CTNNA2: variants seen among roughly 807,000 people sequenced by gnomAD.
CTNNA2 encodes catenin alpha 2.
CTNNA2 carries 42 observed loss-of-function variants against 101.0 expected under a neutral mutation model. The ratio of observed to expected loss-of-function variants is 0.42; its 90% CI spans 0.32 to 0.54. The LOEUF (loss-of-function observed/expected upper bound fraction) is 0.54, where lower values mean the gene tolerates loss of function less well. CTNNA2 is among the 20% of genes least tolerant of loss of function. The pLI is 0.14. For synonymous variants in CTNNA2, 450 were observed against 456.4 expected, an observed-to-expected ratio of 0.99 and a Z score of 0.18; for missense variants, 871 against 1,223.1, an observed-to-expected ratio of 0.71 and a Z score of 4.29.
chr2:79,920,418 C>T (rs989960584), intron 7 of CTNNA2, among the ~76,000 whole-genome samples: 4 of 152,084 alleles, frequency 2.6e-5, no homozygotes, highest in African/African-American at 9.7e-5. Flanking sequence ...ATTTACTTTC[C>T]GTGAAGAGGG....
intron 7 of CTNNA2, among the ~76,000 whole-genome samples, chr2:80,213,517 A>G (rs904261151): frequency 3.3e-5 from 5 of 152,190 alleles, no homozygotes; most frequent in African/African-American, 4.8e-5. Context: ...CACGTAGTTG[A>G]GCAGTTTTGA....
chr2:79,691,407 G>A (rs919657814), intron 2 of CTNNA2, among the ~76,000 whole-genome samples: 1 of 151,454 alleles, frequency 6.6e-6, no homozygotes, highest in Non-Finnish European at 1.5e-5. Flanking sequence ...TGCAAAGAAT[G>A]AATAGTAAGA....
chr2:79,881,079 G>A (rs1255836540), intron 6 of CTNNA2, among the ~76,000 whole-genome samples: 1 of 152,166 alleles, frequency 6.6e-6, no homozygotes, highest in Non-Finnish European at 1.5e-5. Context: ...TTACCCAGGA[G>A]TCACTCAGGA....
intron 1 of CTNNA2, among the ~76,000 whole-genome samples, chr2:79,609,499 C>T (rs77845192): frequency 0.051 from 7,676 of 151,862 alleles, 613 homozygotes; most frequent in African/African-American, 0.17. Context: ...AAAATAACTT[C>T]GGAAAGGTAT....
At chr2:79,657,266 C>T (rs190012596) in intron 2 of CTNNA2, among the ~76,000 whole-genome samples, 140 of 151,560 alleles carry the variant, frequency 9.2e-4, no homozygotes, top group African/African-American at 3.1e-3. Context: ...AAGTAAATCC[C>T]GAAACAAGAA....
intron 4 of CTNNA2, among the ~76,000 whole-genome samples, chr2:79,383,632 T>C (rs1678063996): frequency 6.6e-6 from 1 of 152,188 alleles, no homozygotes; most frequent in African/African-American, 2.4e-5. Flanking sequence ...ATTCTCGAGC[T>C]AGTTCACTCT....
At chr2:79,203,792 G>C (rs141443886) in intron 2 of CTNNA2, among the ~76,000 whole-genome samples, 9 of 152,340 alleles carry the variant, frequency 5.9e-5, no homozygotes, top group African/African-American at 1.9e-4. Flanking sequence ...CAGTATCTGA[G>C]CATCAAAGGA....
chr2:80,499,855 T>C (rs918744443), intron 9 of CTNNA2, among the ~76,000 whole-genome samples: 3 of 151,718 alleles, frequency 2.0e-5, no homozygotes, highest in African/African-American at 7.3e-5. Flanking sequence ...AAAATGTTGA[T>C]ATTGAAACTG....
At chr2:79,741,498 CG>C (rs1390791485) in intron 2 of CTNNA2, among the ~76,000 whole-genome samples, 1 of 151,926 alleles carries the variant, frequency 6.6e-6, no homozygotes, top group Admixed American at 6.6e-5. Context: ...TCCAAGAATG[CG>C]GGATGTCTCT....
intron 1 of CTNNA2, among the ~76,000 whole-genome samples, chr2:79,625,176 A>G (rs1046419064): frequency 3.3e-5 from 5 of 152,176 alleles, no homozygotes; most frequent in African/African-American, 1.2e-4. Context: ...ACTGGATCCT[A>G]ATATTGGTGA....
At chr2:80,441,477 T>C (rs1466126862) in intron 9 of CTNNA2, among the ~76,000 whole-genome samples, 3 of 152,316 alleles carry the variant, frequency 2.0e-5, no homozygotes, top group African/African-American at 7.2e-5. Context: ...CCTTTTATAA[T>C]GAAGTCATTT....
chr2:80,249,590 A>C (rs892472451), intron 7 of CTNNA2, among the ~76,000 whole-genome samples: 2 of 152,234 alleles, frequency 1.3e-5, no homozygotes, highest in African/African-American at 2.4e-5. Context: ...AAAAAGAAGA[A>C]GACATTGAGG....
intron 4 of CTNNA2, among the ~76,000 whole-genome samples, chr2:79,382,056 A>G (rs1678045582): frequency 6.6e-6 from 1 of 152,152 alleles, no homozygotes; most frequent in Non-Finnish European, 1.5e-5. Context: ...TGAGTAAAGA[A>G]CATTACCCTC....
intron 3 of CTNNA2, among the ~76,000 whole-genome samples, chr2:79,812,529 A>G (rs1677128000): frequency 6.6e-6 from 1 of 152,212 alleles, no homozygotes; most frequent in African/African-American, 2.4e-5. Context: ...AAATGGTCCC[A>G]TAAAGATTTC....
chr2:79,255,643 G>T, intron 2 of CTNNA2, among the ~76,000 whole-genome samples: 1 of 152,190 alleles, frequency 6.6e-6, no homozygotes, highest in Admixed American at 6.5e-5. Flanking sequence ...GTGGTGGAAA[G>T]GCTAAATGGC....
intron 4 of CTNNA2, among the ~76,000 whole-genome samples, chr2:79,478,082 C>G (rs934304): frequency 0.044 from 6,741 of 152,274 alleles, 515 homozygotes; most frequent in African/African-American, 0.15. Context: ...CTTCCTTCAA[C>G]TAAGTACTAC....
At chr2:80,269,309 C>T (rs1673267298) in intron 7 of CTNNA2, among the ~76,000 whole-genome samples, 1 of 152,100 alleles carries the variant, frequency 6.6e-6, no homozygotes, top group Admixed American at 6.5e-5. Context: ...AGGGGCTTCC[C>T]CCTTTGCTCA....
At chr2:79,982,214 ATATATATATATATATATATATATATATG>A (rs1270244436) in intron 7 of CTNNA2, among the ~76,000 whole-genome samples, 4 of 36,996 alleles carry the variant, frequency 1.1e-4, no homozygotes, top group Non-Finnish European at 3.0e-4. Context: ...ATATATATAT[ATATATATATATATATATATATATATATG>A]TATGTATATG....
intron 2 of CTNNA2, among the ~76,000 whole-genome samples, chr2:79,255,179 A>G (rs1011494833): frequency 2.0e-5 from 3 of 152,214 alleles, no homozygotes; most frequent in Non-Finnish European, 4.4e-5. Context: ...TATTTTCTAT[A>G]AGTTGCATTT....
Sources: gnomAD v4.1 joint callset for allele counts (sites outside exome capture counted in the v4.1 genomes callset) on GRCh38, gnomAD v4.1.1 for gene constraint, MANE v1.5 for transcripts, NCBI Gene and HGNC (gene_info 2026-07-23, HGNC 2026-07-21) for gene names.